DBX1: variants seen among roughly 807,000 people sequenced by gnomAD.
DBX1 encodes homeobox protein DBX1.
A neutral mutation model predicts 20.8 loss-of-function variants in DBX1; 10 were observed. The observed-to-expected ratio is 0.48, with a 90% CI of 0.30 to 0.82. The LOEUF is 0.82. Ranked by LOEUF, DBX1 falls within the 40% of genes least tolerant of loss-of-function variation. DBX1 has a pLI of 0.07. For synonymous variants in DBX1, 241 were observed against 213.9 expected (o/e 1.13, Z -1.11); for missense variants, 505 against 468.8 (o/e 1.08, Z -0.71).
Position 20,157,119 on chromosome 11 carries a change from T to C in DBX1, c.590A>G (p.Glu197Gly). 6.2e-7 allele frequency: 1 copy of C among 1,613,760 alleles called. No homozygotes were observed. The highest frequency in any genetic ancestry group is 8.5e-7 in the Non-Finnish European group (1 of 1,179,976). ...GTACTTCTGCTTCTGGAACATCTTC[T>C]CCAGCGCCTTCCGCTGCACGTCGGA... ...VFSDVQRKAL[E>G]KMFQKQKYIS... Residue 197 changes from glutamate to glycine, a missense_variant, in exon 3 of 4, where the codon GAG becomes GGG. Physicochemically the swap from Glu to Gly is moderately conservative, Grantham distance 98. Coordinates refer to ENST00000524983, the MANE Select transcript of DBX1 (RefSeq NM_001029865.4).
Position 20,157,034 on chromosome 11 carries a change from C to T in DBX1, c.672+3G>A, listed in dbSNP as rs751500381. 4 of 1,613,614 alleles carry T rather than the reference C, an allele frequency of 2.5e-6. No homozygotes were observed. Among genetic ancestry groups the T allele is most frequent in the South Asian group, 2.2e-5 (2 of 91,036 alleles). ...GGGGGTGCTGTGGAGGAAATGCGCT[C>T]ACCTGCGAGTCTTTCAGGCCCAGCT... On this transcript the variant is annotated splice_donor_region_variant and intron_variant, in intron 3 of 3. Transcript: ENST00000524983.
At chr11:20,159,370 C>G in intron 1 of DBX1, 78 bp from the exon 2 acceptor site, 1 of 877,822 alleles carries the variant, frequency 1.1e-6, no homozygotes, top group Non-Finnish European at 1.9e-6. Flanking sequence ...TATTGTATAG[C>G]ACACTGAACA....
Position 20,160,232 on chromosome 11 carries a change from C to T in DBX1, c.93G>A (p.Ser31=). ...PTLTLPQSLQ[S]AFSGHSSFLV... is the part of the protein sequence containing the mutation. ...GGAAGCTGGAGTGGCCGGAAAATGC[C>T]GACTGCAAGGACTGGGGCAGCGTCA... is the stretch of plus-strand genomic sequence containing the variant. The change falls in exon 1 of 4, where the codon TCG becomes TCA. Residue 31 remains serine (S), a synonymous_variant. Coordinates refer to ENST00000524983, the MANE Select transcript of DBX1 (RefSeq NM_001029865.4). The T allele has an allele frequency of 6.5e-7, 1 of 1,546,116 alleles. No individual in the cohort carries two copies. Among genetic ancestry groups the T allele is most frequent in the South Asian group, 1.2e-5 (1 of 83,962 alleles).
rs748152976 is a variant in DBX1, at chr11:20,160,008, G to T, written c.317C>A (p.Thr106Lys). The T allele has an allele frequency of 5.0e-6, 8 of 1,613,022 alleles. No homozygotes were observed. In the South Asian group the frequency reaches 7.7e-5, roughly 16 times the overall value. The change falls in exon 1 of 4, where the codon ACG becomes AAG. Residue 106 changes from threonine to lysine, a missense_variant. Transcript: ENST00000524983. Reference protein sequence around the residue: ...PTAFSPASETTFLKFGVNAIL... With the variant: ...PTAFSPASETKFLKFGVNAIL... The stretch of plus-strand genomic sequence containing the variant: ...GGCGTTCACTCCAAACTTCAGAAAC[G>T]TCGTCTCGCTGGCAGGGGAGAAGGC...
chr11:20,160,190 G>C lies in DBX1; in HGVS notation c.135C>G (p.Ile45Met). 6.5e-7 allele frequency: 1 copy of C among 1,547,992 alleles called. No individual in the cohort carries two copies. Among genetic ancestry groups the C allele is most frequent in the Non-Finnish European group, 8.7e-7 (1 of 1,146,642 alleles). Residue 45 changes from isoleucine (I) to methionine (M), a missense_variant, in exon 1 of 4, where the codon ATC (isoleucine) becomes ATG (methionine). Coordinates refer to ENST00000524983, the MANE Select transcript of DBX1 (RefSeq NM_001029865.4). ...GHSSFLVEDL[I>M]RISRPPAYLP... is the part of the protein sequence containing the mutation. ...GGTAGGCGGGGGGTCGGCTGATGCG[G>C]ATCAGATCCTCCACCAGGAAGCTGG...
At position 20,156,378 on chromosome 11, in the gene DBX1, C is replaced by T; in HGVS notation, c.868G>A (p.Ala290Thr). The stretch of plus-strand genomic sequence containing the variant: ...TGGGGGTCGGAGGACGCGTGGTAGG[C>T]CAGGCGGTGGCTGGGGCTGCCCGGG... ...EGPGSPSHRL[A>T]YHASSDPQHL... Residue 290 changes from alanine to threonine, a missense_variant, in exon 4 of 4, where the codon GCC becomes ACC. Ala to Thr is a moderately conservative substitution (Grantham distance 58). Coordinates refer to ENST00000524983, the MANE Select transcript of DBX1 (RefSeq NM_001029865.4). This position sits in a 1 kb window ranked among gnomAD's most constrained non-coding sequence, Gnocchi z 4.8. 2 of 1,608,220 alleles carry T rather than the reference C, an allele frequency of 1.2e-6. No homozygotes were observed. Among genetic ancestry groups the T allele is most frequent in the Non-Finnish European group, 1.7e-6 (2 of 1,176,444 alleles).
Position 20,156,739 on chromosome 11 carries a change from CG to C in DBX1, c.673-167del, listed in dbSNP as rs2063660294. 1 of 1,113,352 alleles carries C rather than the reference CG, an allele frequency of 9.0e-7. No homozygotes were observed. The highest frequency in any genetic ancestry group is 1.5e-5 in the African/African-American group (1 of 65,410). The allele number at this position is 1,113,352 out of a possible 1,614,324, so 69.0% of individuals were successfully genotyped here. On this transcript the variant is annotated intron_variant, in intron 3 of 3. Coordinates refer to ENST00000524983, the MANE Select transcript of DBX1 (RefSeq NM_001029865.4). This position sits in a 1 kb window ranked among gnomAD's most constrained non-coding sequence, Gnocchi z 4.8. ...TTCCGGTGGATTCCCGCATTGACTC[CG>C]CCCCCGCCTCAGCTCGCGGTTCCGT...
chr11:20,160,184 G>A lies in DBX1; in HGVS notation c.141C>T (p.Ile47=). ...GGGGCAGGTAGGCGGGGGGTCGGCTGATGCGGATCAGATCCTCCACCAGGA... is the reference window on the plus strand; with the variant it reads ...GGGGCAGGTAGGCGGGGGGTCGGCTAATGCGGATCAGATCCTCCACCAGGA... The part of the protein sequence containing the change: ...SSFLVEDLIR[I]SRPPAYLPRS... Residue 47 remains isoleucine, a synonymous_variant, in exon 1 of 4, where the codon ATC becomes ATT. Transcript: ENST00000524983. 1 of 1,547,898 alleles carries A rather than the reference G, an allele frequency of 6.5e-7. No individual in the cohort carries two copies. The highest frequency in any genetic ancestry group is 1.2e-5 in the South Asian group (1 of 84,004).
rs984570908 is a variant in DBX1 at position 20,160,363 on chromosome 11, G to A, written c.-39C>T. The A allele has an allele frequency of 2.1e-5, 31 of 1,467,616 alleles. No homozygotes were observed. Among genetic ancestry groups the A allele is most frequent in the Non-Finnish European group, 2.8e-5 (31 of 1,111,498 alleles). 90.9% of individuals were successfully genotyped at this position (1,467,616 alleles called of 1,614,324 possible). A position where few individuals can be genotyped will look rare whatever the true frequency, so the allele number is the denominator to read the frequency against. ...GGGCGAAATAACCCTTCTTTCAGTG[G>A]CCGGAGGGTAAACGCCTCGCTTCCC... On this transcript the variant is annotated 5_prime_UTR_variant, in exon 1 of 4. Transcript: ENST00000524983.
chr11:20,160,333 C>G lies in DBX1; in HGVS notation c.-9G>C, dbSNP rs1232700576. Reference sequence around the variant, plus strand: ...AGGCCGGGGAACATCATGGTAGGCGCGGGCGGGCGAAATAACCCTTCTTTC... The same window carrying G: ...AGGCCGGGGAACATCATGGTAGGCGGGGGCGGGCGAAATAACCCTTCTTTC... On this transcript the variant is annotated 5_prime_UTR_variant, in exon 1 of 4. Transcript: ENST00000524983. 3.3e-6 allele frequency: 5 copies of G among 1,494,378 alleles called. No individual in the cohort carries two copies. The African/African-American group carries it at 5.6e-5, about 17-fold the overall frequency. 92.6% of individuals were successfully genotyped at this position (1,494,378 alleles called of 1,614,324 possible). A position where few individuals can be genotyped will look rare whatever the true frequency, so the allele number is the denominator to read the frequency against.
rs1480876743 is a variant in DBX1 at position 20,160,101 on chromosome 11, G to A, written c.224C>T (p.Thr75Ile). Residue 75 changes from threonine to isoleucine, a missense_variant, in exon 1 of 4, where the codon ACC becomes ATC. By Grantham distance (89) the Thr-to-Ile change is moderately conservative. Coordinates refer to ENST00000524983, the MANE Select transcript of DBX1 (RefSeq NM_001029865.4). ...PPRQGAPTAL[T>I]DTGASDLGSP... ...GCCCAGGTCCGAGGCCCCCGTGTCG[G>A]TGAGGGCCGTGGGGGCCCCCTGCCT... is the stretch of plus-strand genomic sequence containing the variant. 2 of 1,554,640 alleles carry A rather than the reference G, an allele frequency of 1.3e-6. No individual in the cohort carries two copies. The highest frequency in any genetic ancestry group is 2.4e-5 in the East Asian group (1 of 41,108).
chr11:20,157,041 G>T lies in DBX1; in HGVS notation c.668C>A (p.Ser223Ter). ...CTGTGGAGGAAATGCGCTCACCTGC[G>T]AGTCTTTCAGGCCCAGCTTGGCCGC... Reference protein sequence around the residue: ...KLAAKLGLKDSQVKIWFQNRR... With the variant: ...KLAAKLGLKD Residue 223 changes from serine (S) to a stop codon, truncating the protein, a stop_gained, in exon 3 of 4, where the codon TCG becomes TAG. Coordinates refer to ENST00000524983, the MANE Select transcript of DBX1 (RefSeq NM_001029865.4). LOFTEE classifies it low-confidence loss of function (END_TRUNC). 1 of 1,613,804 alleles carries T rather than the reference G, an allele frequency of 6.2e-7. No homozygotes were observed.
At chr11:20,159,315 C>CA in intron 1 of DBX1, 23 bp from the exon 2 acceptor site, 2 of 1,501,838 alleles carry the variant, frequency 1.3e-6, no homozygotes, top group Non-Finnish European at 1.9e-6. Flanking sequence ...GGAGGGGGGA[C>CA]AGAAGGAGAG....
intron 3 of DBX1, 32 bp downstream of exon 3, chr11:20,157,005 C>CGGGGGGGGG: frequency 6.5e-7 from 1 of 1,543,428 alleles, no homozygotes; most frequent in Non-Finnish European, 8.8e-7. Flanking sequence ...AGGGCGGGGG[C>CGGGGGGGGG]GGGGGGGGTG....
At position 20,156,690 on chromosome 11, in the gene DBX1, C is replaced by A; in HGVS notation, c.673-117G>T. 1 of 1,413,044 alleles carries A rather than the reference C, an allele frequency of 7.1e-7. No homozygotes were observed. Among genetic ancestry groups the A allele is most frequent in the East Asian group, 2.3e-5 (1 of 43,870 alleles). 87.5% of individuals were successfully genotyped at this position (1,413,044 alleles called of 1,614,324 possible). On this transcript the variant is annotated intron_variant, in intron 3 of 3. Transcript: ENST00000524983. The surrounding 1 kb of genome is among the most constrained non-coding windows in gnomAD (Gnocchi z 4.8). ...GCAGGCTCTGTCCTTCGGGCTGTGT[C>A]CTCTCCCCACCCCCAGAAATGAGTT... is the stretch of plus-strand genomic sequence containing the variant.
At position 20,160,401 on chromosome 11, in the gene DBX1, C is replaced by G. The variant is rs949174743; in HGVS notation, c.-77G>C. 6 of 1,433,022 alleles carry G rather than the reference C, an allele frequency of 4.2e-6. No individual in the cohort carries two copies. The highest frequency in any genetic ancestry group is 5.5e-6 in the Non-Finnish European group (6 of 1,095,114). The allele number at this position is 1,433,022 out of a possible 1,614,324, so 88.8% of individuals were successfully genotyped here. ...CGCCTCGCTTCCCGCCCCTCCCGCC[C>G]CCACAGTGTCCTCTCTCTTGGGCTT... On this transcript the variant is annotated 5_prime_UTR_variant, in exon 1 of 4. Transcript: ENST00000524983.
At chr11:20,159,492 C>G (rs2063676905) in intron 1 of DBX1, among the ~76,000 whole-genome samples, 200 bp from the exon 2 acceptor site, 1 of 152,090 alleles carries the variant, frequency 6.6e-6, no homozygotes, top group Non-Finnish European at 1.5e-5. Context: ...TTCTTTCTCC[C>G]CAACGTAATT....
chr11:20,156,420 C>G lies in DBX1; in HGVS notation c.826G>C (p.Glu276Gln), dbSNP rs1000434461. 3.1e-6 allele frequency: 5 copies of G among 1,604,774 alleles called. No homozygotes were observed. The highest frequency in any genetic ancestry group is 2.7e-5 in the African/African-American group (2 of 74,896). Residue 276 changes from glutamate (E) to glutamine (Q), a missense_variant, in exon 4 of 4, where the codon GAA (glutamate) becomes CAA (glutamine). Physicochemically the swap from Glu to Gln is conservative, Grantham distance 29. Coordinates refer to ENST00000524983, the MANE Select transcript of DBX1 (RefSeq NM_001029865.4). This position sits in a 1 kb window ranked among gnomAD's most constrained non-coding sequence, Gnocchi z 4.8. ...CTGCCCGGGCCCTCCTCCTCCTCTT[C>G]GTTCCCAGGGCCCTTCTGGCCCACG... ...SDVGQKGPGN[E>Q]EEEEGPGSPS...
rs1289783213 is a variant in DBX1, at chr11:20,156,329, G to A, written c.917C>T (p.Pro306Leu). ...DPQHLRDPRLPGPLPPSPAHS... is the reference protein window; with the variant it reads ...DPQHLRDPRLLGPLPPSPAHS... ...CGCGGGCGAGGGGGGCAGCGGCCCT[G>A]GCAGCCGCGGGTCCCGCAGGTGCTG... The change falls in exon 4 of 4, where the codon CCA (proline) becomes CTA (leucine). Residue 306 changes from proline to leucine, a missense_variant. Coordinates refer to ENST00000524983, the MANE Select transcript of DBX1 (RefSeq NM_001029865.4). The surrounding 1 kb of genome is among the most constrained non-coding windows in gnomAD (Gnocchi z 4.8). The A allele has an allele frequency of 6.3e-7, 1 of 1,580,464 alleles. No homozygotes were observed. Among genetic ancestry groups the A allele is most frequent in the South Asian group, 1.2e-5 (1 of 85,230 alleles).
Sources: gnomAD v4.1 joint callset for allele counts (sites outside exome capture counted in the v4.1 genomes callset) on GRCh38, gnomAD v4.1.1 for gene constraint, Gnocchi (gnomAD v3.1) non-coding constraint, MANE v1.5 for transcripts, NCBI Gene and HGNC (gene_info 2026-07-23, HGNC 2026-07-21) for gene names.